Variants in SYTL2 observed in about 807,000 individuals in gnomAD.
SYTL2 encodes synaptotagmin-like protein 2.
In SYTL2, 165 loss-of-function variants were observed where a neutral mutation model predicts 198.7. The ratio of observed to expected loss-of-function variants is 0.83; its 90% CI spans 0.73 to 0.94. The LOEUF (loss-of-function observed/expected upper bound fraction) is 0.94. Among genes scored for constraint, SYTL2 ranks in the 40% least tolerant of loss-of-function variants. The pLI is 0.00. For synonymous variants in SYTL2, 966 were observed against 917.7 expected, an observed-to-expected ratio of 1.05 and a Z score of -0.95; for missense variants, 2,835 against 2,582.8, an observed-to-expected ratio of 1.10 and a Z score of -2.12.
intron 7 of SYTL2, among the ~76,000 whole-genome samples, chr11:85,731,157 C>A (rs182388457): frequency 4.1e-4 from 62 of 152,298 alleles, no homozygotes; most frequent in African/African-American, 1.4e-3. Flanking sequence ...AATGGCCATA[C>A]TGACCAAAGT....
chr11:85,831,319 A>G, the SYTL2 span, among the ~76,000 whole-genome samples: 1 of 152,226 alleles, frequency 6.6e-6, no homozygotes, highest in African/African-American at 2.4e-5. Context: ...AAATGTAGAA[A>G]GTTTGCTTTT....
In SYTL2 at chr11:85,737,581, TG is replaced by T. The variant is rs763939057; in HGVS notation, c.464del (p.Pro155GlnfsTer61). The T allele has an allele frequency of 1.2e-6, 2 of 1,613,248 alleles. No individual in the cohort carries two copies. The highest frequency in any genetic ancestry group is 2.7e-5 in the African/African-American group (2 of 74,924). Reference protein sequence around the residue: ...QENTRKPNVSPEKQRKNPFNS... With the variant: ...QENTRKPNVSXEKQRKNPFNS... ...AAATCTGGGCTCAGTCTACCTTCTC[TG>T]GAGACACATTTGGTTTCCTTGTGTT... On this transcript the variant is annotated frameshift_variant, in exon 5 of 20. Coordinates refer to ENST00000359152, the MANE Select transcript of SYTL2 (RefSeq NM_206927.4). LOFTEE classifies it high-confidence loss of function.
At chr11:85,788,195 G>A (rs1011630850) in intron 1 of SYTL2, among the ~76,000 whole-genome samples, 1 of 152,102 alleles carries the variant, frequency 6.6e-6, no homozygotes, top group Non-Finnish European at 1.5e-5. Context: ...TATGTGCCTG[G>A]CCTCTGATGA....
At chr11:85,729,510 A>C (rs909559706) in intron 7 of SYTL2, among the ~76,000 whole-genome samples, 2 of 152,190 alleles carry the variant, frequency 1.3e-5, no homozygotes, top group African/African-American at 4.8e-5. Context: ...TAACGAAATA[A>C]AGGCAGAAAT....
intron 6 of SYTL2, 66 bp from the exon 7 acceptor site, chr11:85,734,808 C>A (rs1453247262): frequency 8.3e-6 from 10 of 1,204,040 alleles, no homozygotes; most frequent in Non-Finnish European, 3.5e-6. Flanking sequence ...AAATACCTGT[C>A]ATAAACTTAA....
chr11:85,811,858 T>C (rs1425423786), upstream of SYTL2, among the ~76,000 whole-genome samples: 1 of 152,092 alleles, frequency 6.6e-6, no homozygotes, highest in African/African-American at 2.4e-5. Flanking sequence ...CCCAGCATTA[T>C]GGGAGGCCGA....
At chr11:85,777,078 T>G (rs1378582509) in intron 1 of SYTL2, among the ~76,000 whole-genome samples, 7 of 152,096 alleles carry the variant, frequency 4.6e-5, no homozygotes, top group Non-Finnish European at 8.8e-5. Flanking sequence ...GAGGGTGGAG[T>G]ACAGGAAAAC....
At chr11:85,760,612 T>A (rs556790695) in intron 1 of SYTL2, among the ~76,000 whole-genome samples, 1 of 152,196 alleles carries the variant, frequency 6.6e-6, no homozygotes, top group African/African-American at 2.4e-5. Context: ...ACACTGCCAT[T>A]TGGTTGGTTC....
At chr11:85,739,652 C>T (rs2090636169) in intron 4 of SYTL2, among the ~76,000 whole-genome samples, 1 of 152,154 alleles carries the variant, frequency 6.6e-6, no homozygotes, top group South Asian at 2.1e-4. Context: ...CCACCTTATT[C>T]TCAATTGATC....
chr11:85,777,009 A>C (rs1591996731), intron 1 of SYTL2, among the ~76,000 whole-genome samples: 2 of 152,326 alleles, frequency 1.3e-5, no homozygotes, highest in Non-Finnish European at 1.5e-5. Context: ...AAAGATTCAG[A>C]CAAGTCACAT....
the SYTL2 span, among the ~76,000 whole-genome samples, chr11:85,840,405 T>C: frequency 1.3e-5 from 2 of 152,178 alleles, no homozygotes; most frequent in African/African-American, 4.8e-5. Context: ...TTTCTTGTAG[T>C]AGTTTCATAG....
At chr11:85,783,832 G>A (rs1474466241) in intron 1 of SYTL2, among the ~76,000 whole-genome samples, 1 of 152,200 alleles carries the variant, frequency 6.6e-6, no homozygotes, top group Non-Finnish European at 1.5e-5. Flanking sequence ...ACAAAGCACA[G>A]AATCATTCTC....
At position 85,726,102 on chromosome 11, in the gene SYTL2, A is replaced by T. The variant is rs2153465599; in HGVS notation, c.3256T>A (p.Ser1086Thr). 1 of 1,613,618 alleles carries T rather than the reference A, an allele frequency of 6.2e-7. No individual in the cohort carries two copies. Among genetic ancestry groups the T allele is most frequent in the Non-Finnish European group, 8.5e-7 (1 of 1,179,886 alleles). Residue 1086 changes from serine (S) to threonine (T), a missense_variant, in exon 8 of 20, where the codon TCA becomes ACA. This residue lies in a region of SYTL2 where 2,645 missense variants were observed against 2,381.7 expected (regional missense o/e 1.11). Coordinates refer to ENST00000359152, the MANE Select transcript of SYTL2 (RefSeq NM_206927.4). ...TTCTTTTCCACATTTTCCTTTGATG[A>T]CTCATTTCCTGGCAACTGATAAGTA... ...KYTYQLPGNE[S>T]SKENVEKNTE...
At chr11:85,755,881 T>C (rs1026172984) in intron 2 of SYTL2, among the ~76,000 whole-genome samples, 14 of 152,064 alleles carry the variant, frequency 9.2e-5, no homozygotes, top group African/African-American at 3.1e-4. Flanking sequence ...TCAAAGGTAC[T>C]TGCACCTCTC....
chr11:85,799,356 G>T (rs1033324708), intron 1 of SYTL2, among the ~76,000 whole-genome samples: 1 of 152,098 alleles, frequency 6.6e-6, no homozygotes, highest in Non-Finnish European at 1.5e-5. Context: ...GGTATAAGCC[G>T]AACACTAAAC....
intron 19 of SYTL2, 99 bp from the exon 20 acceptor site, chr11:85,695,439 G>A: frequency 9.8e-7 from 1 of 1,019,560 alleles, no homozygotes; most frequent in Non-Finnish European, 1.4e-6. Context: ...GTGGAAGCTA[G>A]GAGGAGCTTT....
At chr11:85,818,006 G>A in the SYTL2 span, among the ~76,000 whole-genome samples, 129 of 149,400 alleles carry the variant, frequency 8.6e-4, no homozygotes, top group African/African-American at 3.0e-3. Context: ...CGGATTCAGC[G>A]ATTTTCTTGG....
intron 1 of SYTL2, among the ~76,000 whole-genome samples, chr11:85,783,742 A>C (rs2092597446): frequency 6.6e-6 from 1 of 152,204 alleles, no homozygotes; most frequent in African/African-American, 2.4e-5. Context: ...TAATGGCAGC[A>C]CAACTCCAGC....
At chr11:85,800,060 C>G (rs995363001) in intron 1 of SYTL2, among the ~76,000 whole-genome samples, 1 of 152,158 alleles carries the variant, frequency 6.6e-6, no homozygotes, top group African/African-American at 2.4e-5. Flanking sequence ...CACCCTTGGT[C>G]ACTGCATCTA....
Sources: gnomAD v4.1 joint callset for allele counts (sites outside exome capture counted in the v4.1 genomes callset) on GRCh38, gnomAD v4.1.1 for gene constraint, gnomAD v4.1.1 regional missense constraint, MANE v1.5 for transcripts, NCBI Gene and HGNC (gene_info 2026-07-23, HGNC 2026-07-21) for gene names.